Variants in PTGFR observed in about 807,000 individuals in gnomAD.
PTGFR encodes prostaglandin F2-alpha receptor.
Under a neutral mutation model 26.2 loss-of-function variants are expected in PTGFR, and 15 were observed. The observed-to-expected ratio is 0.57, with a 90% CI of 0.38 to 0.88. The LOEUF (loss-of-function observed/expected upper bound fraction) is 0.88. Among genes scored for constraint, PTGFR ranks in the 40% least tolerant of loss-of-function variants. The probability of loss-of-function intolerance (pLI) is 0.00; values close to 1 mark genes in which losing one functional copy is unlikely to be tolerated. For synonymous variants in PTGFR, 165 were observed against 151.1 expected, an observed-to-expected ratio of 1.09 and a Z score of -0.68; for missense variants, 369 against 427.2, an observed-to-expected ratio of 0.86 and a Z score of 1.20.
intron 2 of PTGFR, among the ~76,000 whole-genome samples, chr1:78,519,802 G>A (rs945219698): frequency 6.6e-6 from 1 of 152,146 alleles, no homozygotes; most frequent in East Asian, 1.9e-4. Context: ...GGGCTCCTGA[G>A]TTCATATACA....
chr1:78,502,109 A>G (rs1649720460), intron 2 of PTGFR, among the ~76,000 whole-genome samples: 1 of 152,190 alleles, frequency 6.6e-6, no homozygotes, highest in African/African-American at 2.4e-5. Context: ...CCAAGTTTCA[A>G]ATTATAGGTC....
chr1:78,516,520 T>C (rs533978420), intron 2 of PTGFR, among the ~76,000 whole-genome samples: 1 of 152,298 alleles, frequency 6.6e-6, no homozygotes, highest in Admixed American at 6.5e-5. Flanking sequence ...AGAGCAATCT[T>C]TAAACAAATT....
At chr1:78,517,293 G>A (rs879515651) in intron 2 of PTGFR, among the ~76,000 whole-genome samples, 1 of 152,158 alleles carries the variant, frequency 6.6e-6, no homozygotes, top group Admixed American at 6.6e-5. Flanking sequence ...GGTGCTGGCT[G>A]TGTTGCTGAA....
At chr1:78,507,565 T>C (rs573614740) in intron 2 of PTGFR, among the ~76,000 whole-genome samples, 1 of 152,346 alleles carries the variant, frequency 6.6e-6, no homozygotes, top group Admixed American at 6.5e-5. Flanking sequence ...ATCATTGTAT[T>C]TGCAGAGCCT....
At chr1:78,518,767 C>G (rs917545522) in intron 2 of PTGFR, among the ~76,000 whole-genome samples, 2 of 152,174 alleles carry the variant, frequency 1.3e-5, no homozygotes, top group African/African-American at 4.8e-5. Flanking sequence ...CAGCTCCCAT[C>G]ATTTCAAATG....
rs1249611734 is a variant in PTGFR at position 78,539,917 on chromosome 1, G to A, written c.*3230G>A. On this transcript the variant is annotated 3_prime_UTR_variant, in exon 3 of 3. Transcript: ENST00000370757. ...CTGTGATATCTTCTCTCTTTTACCT[G>A]TGTCTCAACTTACCTAGGCAAGTCA... 6.6e-6 allele frequency among the ~76,000 whole-genome samples: 1 copy of A among 151,878 alleles called. No homozygotes were observed. Among genetic ancestry groups the A allele is most frequent in the Non-Finnish European group, 1.5e-5 (1 of 67,952 alleles).
intron 2 of PTGFR, among the ~76,000 whole-genome samples, chr1:78,511,318 T>G (rs938812272): frequency 4.6e-5 from 7 of 152,148 alleles, no homozygotes; most frequent in Non-Finnish European, 1.0e-4. Context: ...CCCCATATAT[T>G]CCCTGAAATC....
At position 78,536,593 on chromosome 1, in the gene PTGFR, G is replaced by A. The variant is rs2100407014; in HGVS notation, c.986G>A (p.Ser329Asn). The A allele has an allele frequency of 1.2e-6, 2 of 1,613,230 alleles. No homozygotes were observed. Among genetic ancestry groups the A allele is most frequent in the East Asian group, 2.2e-5 (1 of 44,826 alleles). ...ASQCCGVHVI[S>N]LHIWELSSIK... Reference sequence around the variant, plus strand: ...CAATGCTGTGGAGTGCATGTCATCAGCTTACATATTTGGGAGCTTAGTTCC... The same window carrying A: ...CAATGCTGTGGAGTGCATGTCATCAACTTACATATTTGGGAGCTTAGTTCC... Residue 329 changes from serine to asparagine, a missense_variant, in exon 3 of 3, where the codon AGC (serine) becomes AAC (asparagine). Transcript: ENST00000370757.
At chr1:78,507,361 G>T (rs1317970856) in intron 2 of PTGFR, among the ~76,000 whole-genome samples, 1 of 152,096 alleles carries the variant, frequency 6.6e-6, no homozygotes, top group Admixed American at 6.6e-5. Context: ...TTTGTTTTTG[G>T]CACAGAGTTT....
intron 2 of PTGFR, 59 bp from the exon 3 acceptor site, chr1:78,536,347 A>T (rs1034155708): frequency 3.4e-5 from 51 of 1,499,530 alleles, no homozygotes; most frequent in Admixed American, 6.5e-5. Context: ...CTAATTTTTT[A>T]AAAATTATAG....
chr1:78,493,229 T>C lies in PTGFR; in HGVS notation c.486T>C (p.Phe162=). The change falls in exon 2 of 3, where the codon TTT becomes TTC. Residue 162 remains phenylalanine, a synonymous_variant. Transcript: ENST00000370757. ...VKMMLSGVCL[F]AVFIALLPIL... ...TGATGTTAAGTGGTGTGTGCTTGTT[T>C]GCTGTTTTCATAGCTTTGCTGCCCA... The C allele has an allele frequency of 6.2e-7, 1 of 1,614,206 alleles. No homozygotes were observed. The highest frequency in any genetic ancestry group is 2.2e-5 in the East Asian group (1 of 44,892).
chr1:78,518,477 T>C (rs947539069), intron 2 of PTGFR, among the ~76,000 whole-genome samples: 12 of 151,914 alleles, frequency 7.9e-5, no homozygotes, highest in Admixed American at 4.6e-4. Flanking sequence ...TTCTTGACCC[T>C]AGAGAATCAG....
At chr1:78,498,422 ATTGT>A (rs1228725982) in intron 2 of PTGFR, among the ~76,000 whole-genome samples, 3 of 152,170 alleles carry the variant, frequency 2.0e-5, no homozygotes, top group Admixed American at 1.3e-4. Context: ...GTGTATATAT[ATTGT>A]TTATGTATTT....
chr1:78,500,577 CT>C (rs1468616774), intron 2 of PTGFR, among the ~76,000 whole-genome samples: 2 of 152,232 alleles, frequency 1.3e-5, no homozygotes, highest in African/African-American at 4.8e-5. Flanking sequence ...TTCCTTGCAA[CT>C]GCCTTGCAGC....
chr1:78,536,806 G>T lies in PTGFR; in HGVS notation c.*119G>T. 1 of 1,101,814 alleles carries T rather than the reference G, an allele frequency of 9.1e-7. No individual in the cohort carries two copies. The highest frequency in any genetic ancestry group is 1.3e-6 in the Non-Finnish European group (1 of 799,372). 68.3% of individuals were successfully genotyped at this position (1,101,814 alleles called of 1,614,324 possible). A position where few individuals can be genotyped will look rare whatever the true frequency, so the allele number is the denominator to read the frequency against. ...AAATTCAGGCTTCATCATGTAGTTT[G>T]AAGATACTATTGTCAGATTCAGGTT... On this transcript the variant is annotated 3_prime_UTR_variant, in exon 3 of 3. Coordinates refer to ENST00000370757, the MANE Select transcript of PTGFR (RefSeq NM_000959.4).
chr1:78,523,776 G>T lies in PTGFR; in HGVS notation c.799-12630G>T, dbSNP rs540367063. Among the ~76,000 whole-genome samples, 4 of 152,202 alleles carry T rather than the reference G, an allele frequency of 2.6e-5. No homozygotes were observed. The East Asian group carries it at 7.7e-4, about 29-fold the overall frequency. Reference sequence around the variant, plus strand: ...GTGGTTTAAATGATAACTTGTAAATGAGTGATATTTTAAATGTTTGTTAGT... The same window carrying T: ...GTGGTTTAAATGATAACTTGTAAATTAGTGATATTTTAAATGTTTGTTAGT... On this transcript the variant is annotated intron_variant, in intron 2 of 2. Transcript: ENST00000370757.
chr1:78,494,746 C>T lies in PTGFR; in HGVS notation c.798+1205C>T, dbSNP rs1459950418. 2.0e-5 allele frequency among the ~76,000 whole-genome samples: 3 copies of T among 152,300 alleles called. No homozygotes were observed. The South Asian group carries it at 6.2e-4, about 32-fold the overall frequency. ...TCAGCCTCCTGAGTAGCTGGGATTA[C>T]AGGCGTGTGGCACCAAACCCGGCTA... On this transcript the variant is annotated intron_variant, in intron 2 of 2. Transcript: ENST00000370757.
chr1:78,521,180 T>C (rs536704398), intron 2 of PTGFR, among the ~76,000 whole-genome samples: 13 of 152,254 alleles, frequency 8.5e-5, no homozygotes, highest in African/African-American at 3.1e-4. Context: ...GCTTTAATTA[T>C]ACTCCAAAGG....
At chr1:78,507,529 G>C (rs1433605236) in intron 2 of PTGFR, among the ~76,000 whole-genome samples, 1 of 152,062 alleles carries the variant, frequency 6.6e-6, no homozygotes, top group Non-Finnish European at 1.5e-5. Flanking sequence ...AGTTCCATAG[G>C]GATATAGTCT....
Sources: allele counts gnomAD v4.1 joint callset (sites outside exome capture counted in the v4.1 genomes callset), GRCh38; gene constraint gnomAD v4.1.1; transcripts MANE v1.5; gene names NCBI Gene and HGNC (gene_info 2026-07-23, HGNC 2026-07-21).